NEK1: variants seen among roughly 807,000 people sequenced by gnomAD.
The protein encoded by NEK1 is serine/threonine-protein kinase Nek1.
Under a neutral mutation model 182.1 loss-of-function variants are expected in NEK1, and 137 were observed. The ratio of observed to expected loss-of-function variants is 0.75; its 90% CI spans 0.65 to 0.87. The LOEUF (loss-of-function observed/expected upper bound fraction) is 0.87, where lower values mean the gene tolerates loss of function less well. NEK1 is among the 40% of genes least tolerant of loss of function. The pLI is 0.00. For synonymous variants in NEK1, 513 were observed against 492.2 expected (o/e 1.04, Z -0.56); for missense variants, 1,391 against 1,494.4 (o/e 0.93, Z 1.14).
At chr4:169,610,902 T>C (rs1772216186) in intron 2 of NEK1, among the ~76,000 whole-genome samples, 1 of 152,222 alleles carries the variant, frequency 6.6e-6, no homozygotes, top group African/African-American at 2.4e-5. Flanking sequence ...ATAAATACCA[T>C]CTTGAATAGT....
At chr4:169,451,168 C>T (rs935654320) in intron 27 of NEK1, among the ~76,000 whole-genome samples, 4 of 152,192 alleles carry the variant, frequency 2.6e-5, no homozygotes, top group Non-Finnish European at 4.4e-5. Flanking sequence ...GAGACTTAGA[C>T]TCCCACACAA....
intron 31 of NEK1, among the ~76,000 whole-genome samples, chr4:169,422,254 T>C (rs977218839): frequency 3.3e-5 from 5 of 152,156 alleles, no homozygotes; most frequent in African/African-American, 1.2e-4. Flanking sequence ...GACTGCAACA[T>C]AGTCAAGATG....
chr4:169,474,843 C>A (rs1746657063), intron 26 of NEK1, among the ~76,000 whole-genome samples: 1 of 152,194 alleles, frequency 6.6e-6, no homozygotes, highest in South Asian at 2.1e-4. Context: ...TCATCATTAA[C>A]TTCTGCCTAG....
intron 31 of NEK1, among the ~76,000 whole-genome samples, chr4:169,410,901 C>G (rs1163971649): frequency 6.6e-6 from 1 of 152,214 alleles, no homozygotes; most frequent in Admixed American, 6.5e-5. Flanking sequence ...AGTGAAGAAA[C>G]ACGAGCTGAC....
intron 35 of NEK1, among the ~76,000 whole-genome samples, chr4:169,397,052 T>A (rs1730847511): frequency 1.3e-5 from 2 of 151,974 alleles, no homozygotes; most frequent in Admixed American, 6.6e-5. Context: ...CGAAATGCCA[T>A]CTCTGCCAAA....
intron 23 of NEK1, among the ~76,000 whole-genome samples, chr4:169,506,172 G>A (rs1460796833): frequency 6.6e-6 from 1 of 151,368 alleles, no homozygotes; most frequent in Non-Finnish European, 1.5e-5. Flanking sequence ...GTAAAAAGGA[G>A]AGTAAAGGGG....
chr4:169,432,940 A>C (rs952259772), intron 29 of NEK1, among the ~76,000 whole-genome samples: 3 of 152,000 alleles, frequency 2.0e-5, no homozygotes, highest in Non-Finnish European at 2.9e-5. Flanking sequence ...TGCCTGGCTA[A>C]TTTTTGTAGA....
intron 20 of NEK1, 49 bp downstream of exon 20, chr4:169,508,720 A>C: frequency 7.2e-7 from 1 of 1,391,568 alleles, no homozygotes; most frequent in Non-Finnish European, 9.6e-7. Context: ...AAGGCAATAA[A>C]TTCAAAAATG....
intron 22 of NEK1, 102 bp downstream of exon 22, chr4:169,507,613 G>A: frequency 4.7e-6 from 3 of 637,360 alleles, no homozygotes; most frequent in Admixed American, 3.3e-5. Flanking sequence ...AAAATTAAAG[G>A]AAGAGACTAA....
intron 19 of NEK1, among the ~76,000 whole-genome samples, chr4:169,523,075 A>G (rs940245675): frequency 2.0e-5 from 3 of 152,186 alleles, no homozygotes; most frequent in African/African-American, 7.2e-5. Flanking sequence ...AGTTATATTT[A>G]GAGGGAAGGA....
At chr4:169,547,555 T>C (rs569171347) in intron 18 of NEK1, among the ~76,000 whole-genome samples, 8 of 152,314 alleles carry the variant, frequency 5.3e-5, no homozygotes, top group Non-Finnish European at 1.0e-4. Flanking sequence ...CTGGATTATA[T>C]CCTGGAGAGT....
chr4:169,437,994 T>C (rs1327809117), intron 28 of NEK1, 89 bp downstream of exon 28: 1 of 996,864 alleles, frequency 1.0e-6, no homozygotes, highest in Non-Finnish European at 1.4e-6. Flanking sequence ...CCCAAACATA[T>C]ACAAATTTTG....
At chr4:169,492,284 C>T (rs1282021173) in intron 23 of NEK1, among the ~76,000 whole-genome samples, 5 of 152,200 alleles carry the variant, frequency 3.3e-5, no homozygotes, top group East Asian at 1.9e-4. Context: ...ATCAAAATTA[C>T]TGGTAAATCA....
intron 19 of NEK1, among the ~76,000 whole-genome samples, chr4:169,532,093 G>T (rs559673871): frequency 2.0e-5 from 3 of 152,296 alleles, no homozygotes; most frequent in African/African-American, 7.2e-5. Flanking sequence ...GCTGATGGCG[G>T]TGAGTAGGTG....
chr4:169,555,543 T>G (rs917947637), intron 18 of NEK1, 177 bp downstream of exon 18: 135 of 508,966 alleles, frequency 2.7e-4, no homozygotes, highest in Non-Finnish European at 2.0e-5. Context: ...GAAAGCTACA[T>G]GCTTTCAGAG....
chr4:169,571,084 T>C (rs1241260394), intron 12 of NEK1, among the ~76,000 whole-genome samples: 1 of 151,934 alleles, frequency 6.6e-6, no homozygotes, highest in Non-Finnish European at 1.5e-5. Flanking sequence ...CAGAGACCTT[T>C]GTTCACTTGT....
At chr4:169,528,352 G>A (rs1757191397) in intron 19 of NEK1, among the ~76,000 whole-genome samples, 2 of 152,164 alleles carry the variant, frequency 1.3e-5, no homozygotes, top group African/African-American at 4.8e-5. Flanking sequence ...AATGCAGGTG[G>A]CCCCTAGGAA....
chr4:169,471,252 C>T (rs1745909342), intron 26 of NEK1, among the ~76,000 whole-genome samples: 3 of 152,224 alleles, frequency 2.0e-5, no homozygotes, highest in Non-Finnish European at 2.9e-5. Flanking sequence ...TCCTCATCTT[C>T]GTGAATTTAT....
At chr4:169,444,177 C>G (rs1740057536) in intron 27 of NEK1, among the ~76,000 whole-genome samples, 1 of 151,988 alleles carries the variant, frequency 6.6e-6, no homozygotes, top group Admixed American at 6.6e-5. Context: ...AATAACCAAA[C>G]TGCAATGAAA....
Sources: allele counts gnomAD v4.1 joint callset (sites outside exome capture counted in the v4.1 genomes callset), GRCh38; gene constraint gnomAD v4.1.1; transcripts MANE v1.5; gene names NCBI Gene and HGNC (gene_info 2026-07-23, HGNC 2026-07-21).